Variants in ITSN1 observed in about 807,000 individuals in gnomAD.
ITSN1 encodes the protein intersectin 1.
A neutral mutation model predicts 239.8 loss-of-function variants in ITSN1; 58 were observed. The ratio of observed to expected loss-of-function variants is 0.24; its 90% confidence interval spans 0.20 to 0.30. The LOEUF is 0.30. Among genes scored for constraint, ITSN1 ranks in the 10% least tolerant of loss-of-function variants. The pLI, the probability that ITSN1 is intolerant of heterozygous loss-of-function variation, is 1.00. For missense variants in ITSN1, 1,558 were observed against 2,103.3 expected (o/e 0.74, Z 5.07); for synonymous variants, 780 against 770.8 (o/e 1.01, Z -0.20).
chr21:33,793,027 T>C (rs1000934233), intron 16 of ITSN1, among the ~76,000 whole-genome samples: 7 of 152,146 alleles, frequency 4.6e-5, no homozygotes, highest in Non-Finnish European at 1.0e-4. Context: ...TTTTATCTCA[T>C]TGTTCTTTTA....
chr21:33,695,898 C>T (rs539657432), intron 1 of ITSN1, among the ~76,000 whole-genome samples: 29 of 152,290 alleles, frequency 1.9e-4, no homozygotes, highest in African/African-American at 4.8e-4. Flanking sequence ...GAATATATTT[C>T]AGTGCACCTC....
chr21:33,706,376 T>C (rs1357000794), intron 1 of ITSN1, among the ~76,000 whole-genome samples: 1 of 152,110 alleles, frequency 6.6e-6, no homozygotes, highest in Non-Finnish European at 1.5e-5. Context: ...TTTCCCCACT[T>C]ATATGAAATT....
At chr21:33,685,891 A>G (rs1338035720) in intron 1 of ITSN1, among the ~76,000 whole-genome samples, 2 of 152,158 alleles carry the variant, frequency 1.3e-5, no homozygotes, top group African/African-American at 2.4e-5. Context: ...CTATTTCTCA[A>G]TTTTACTTCT....
At chr21:33,710,689 G>T (rs1194426638) in intron 1 of ITSN1, among the ~76,000 whole-genome samples, 1 of 151,362 alleles carries the variant, frequency 6.6e-6, no homozygotes, top group Non-Finnish European at 1.5e-5. Flanking sequence ...AAGTGAAGTG[G>T]GTAGTGATCT....
chr21:33,856,722 G>C lies in ITSN1; in HGVS notation c.3662-14G>C. 6.2e-7 allele frequency: 1 copy of C among 1,611,694 alleles called. No individual in the cohort carries two copies. The highest frequency in any genetic ancestry group is 8.5e-7 in the Non-Finnish European group (1 of 1,178,470). On this transcript the variant is annotated splice_polypyrimidine_tract_variant and intron_variant, in intron 29 of 39. Coordinates refer to ENST00000381318, the MANE Select transcript of ITSN1 (RefSeq NM_003024.3). ...AGACTGTGCTAAGTTCTCCCAAATG[G>C]TTGTGTTTTCCAGGGTGTTCAGACT... is the stretch of plus-strand genomic sequence containing the variant.
At chr21:33,754,287 G>A (rs1163418191) in intron 7 of ITSN1, 3 of 152,112 alleles carry the variant, frequency 2.0e-5, no homozygotes, top group Non-Finnish European at 1.5e-5. Flanking sequence ...AGTACTTCTC[G>A]AGTGTTTGGG....
rs1274680603 is a variant in ITSN1, at chr21:33,889,652, A to G, written c.*1352A>G. On this transcript the variant is annotated 3_prime_UTR_variant, in exon 40 of 40. Coordinates refer to ENST00000381318, the MANE Select transcript of ITSN1 (RefSeq NM_003024.3). ...CTCATAATCCTAGTTTGTTGTGGTC[A>G]TGAAATGTCCTTTGCATGTTCTGTT... 1 of 152,202 alleles carries G rather than the reference A, an allele frequency of 6.6e-6. No homozygotes were observed. The highest frequency in any genetic ancestry group is 1.5e-5 in the Non-Finnish European group (1 of 68,030). The allele number at this position is 152,202 out of a possible 1,614,324, so 9.4% of individuals were successfully genotyped here. A position where few individuals can be genotyped will look rare whatever the true frequency, so the allele number is the denominator to read the frequency against.
chr21:33,713,340 C>T (rs2092469370), intron 1 of ITSN1, among the ~76,000 whole-genome samples: 1 of 151,606 alleles, frequency 6.6e-6, no homozygotes, highest in African/African-American at 2.4e-5. Context: ...CCCAGGTTCA[C>T]GCCATTCTCC....
intron 1 of ITSN1, among the ~76,000 whole-genome samples, chr21:33,655,441 CAG>C (rs1202582374): frequency 6.6e-6 from 1 of 151,834 alleles, no homozygotes; most frequent in Non-Finnish European, 1.5e-5. Flanking sequence ...TTGTTTGAGG[CAG>C]AGTCTTACTC....
At chr21:33,884,584 C>T (rs1023426509) in intron 36 of ITSN1, among the ~76,000 whole-genome samples, 1 of 152,202 alleles carries the variant, frequency 6.6e-6, no homozygotes, top group Non-Finnish European at 1.5e-5. Context: ...AAGGAGAAAA[C>T]CGCGGCCACA....
At chr21:33,875,118 C>G (rs1247584903) in intron 33 of ITSN1, among the ~76,000 whole-genome samples, 1 of 152,206 alleles carries the variant, frequency 6.6e-6, no homozygotes, top group African/African-American at 2.4e-5. Context: ...GGACTGAGAC[C>G]TCAAGGATGG....
Position 33,888,189 on chromosome 21 carries a change from C to T in ITSN1, c.5055C>T (p.Ile1685=). The change falls in exon 40 of 40, where the codon ATC becomes ATT. Residue 1685 remains isoleucine, a synonymous_variant. Coordinates refer to ENST00000381318, the MANE Select transcript of ITSN1 (RefSeq NM_003024.3). ...LGRTEIRVAD[I]KKDQGSKGPV... Reference sequence around the variant, plus strand: ...GGACGGAGATCCGTGTGGCGGACATCAAGAAAGACCAGGGCTCCAAAGGTC... The same window carrying T: ...GGACGGAGATCCGTGTGGCGGACATTAAGAAAGACCAGGGCTCCAAAGGTC... 6.2e-7 allele frequency: 1 copy of T among 1,614,108 alleles called. No individual in the cohort carries two copies. The highest frequency in any genetic ancestry group is 8.5e-7 in the Non-Finnish European group (1 of 1,180,000).
Position 33,861,114 on chromosome 21 carries a change from A to G in ITSN1, c.3890+2322A>G, listed in dbSNP as rs540545362. On this transcript the variant is annotated intron_variant, in intron 31 of 39. Transcript: ENST00000381318. ...CTGATTTCTTTTTCTTCTTTTCTGC[A>G]TTTTACTAGAAAAAATCTCAAACAT... Among the ~76,000 whole-genome samples, 6 of 152,246 alleles carry G rather than the reference A, an allele frequency of 3.9e-5. No individual in the cohort carries two copies. The South Asian group carries it at 1.2e-3, about 32-fold the overall frequency.
In ITSN1 at chr21:33,829,077, C is replaced by T. The variant is rs920811358; in HGVS notation, c.3230-547C>T. On this transcript the variant is annotated intron_variant, in intron 26 of 39. Transcript: ENST00000381318. ...TGAGCCATAAAGAAGAAGGCTGTGT[C>T]GTTGGGAGTGAGAATCTGCAGCAAC... 2.9e-4 allele frequency: 132 copies of T among 450,910 alleles called. 1 individual carries two copies. The highest frequency in any genetic ancestry group is 2.5e-3 in the African/African-American group (121 of 49,002). The allele number at this position is 450,910 out of a possible 1,614,324, so 27.9% of individuals were successfully genotyped here. A position where few individuals can be genotyped will look rare whatever the true frequency, so the allele number is the denominator to read the frequency against.
intron 34 of ITSN1, among the ~76,000 whole-genome samples, chr21:33,880,950 C>T (rs377636637): frequency 6.6e-6 from 1 of 152,100 alleles, no homozygotes; most frequent in East Asian, 1.9e-4. Context: ...AGGTGATGGA[C>T]CCCCGAGAGG....
chr21:33,797,444 CAAGAAA>C lies in ITSN1; in HGVS notation c.2020_2025del (p.Arg674_Lys675del). ...CAGCAGGAGGACGAGCATCAGAGAC[CAAGAAA>C]ACTCCACGAAGAGGAAAAACTGAAA... On this transcript the variant is annotated inframe_deletion, in exon 18 of 40. Coordinates refer to ENST00000381318, the MANE Select transcript of ITSN1 (RefSeq NM_003024.3). The surrounding 1 kb of genome is among the most constrained non-coding windows in gnomAD (Gnocchi z 4.9). The C allele has an allele frequency of 1.2e-6, 2 of 1,613,964 alleles. No homozygotes were observed. Among genetic ancestry groups the C allele is most frequent in the Non-Finnish European group, 1.7e-6 (2 of 1,180,000 alleles).
rs140827022 is a variant in ITSN1, at chr21:33,737,057, CAT to C, written c.346+1855_346+1856del. 3.5e-3 allele frequency among the ~76,000 whole-genome samples: 529 copies of C among 152,300 alleles called. 5 individuals are homozygous for C. Among genetic ancestry groups the C allele is most frequent in the African/African-American group, 0.012 (502 of 41,556 alleles). On this transcript the variant is annotated intron_variant, in intron 5 of 39. Transcript: ENST00000381318. ...CTTCCAATGCTACAAGAAGAAATCT[CAT>C]AGTGGAGAAAAGGTCAAATGACTAG...
chr21:33,645,938 C>T (rs1167290197), intron 1 of ITSN1, among the ~76,000 whole-genome samples: 1 of 152,200 alleles, frequency 6.6e-6, no homozygotes, highest in African/African-American at 2.4e-5. Flanking sequence ...TTTTACCTGT[C>T]GTACACCTTT....
intron 22 of ITSN1, chr21:33,817,139 G>T: frequency 8.4e-7 from 1 of 1,194,826 alleles, no homozygotes; most frequent in Non-Finnish European, 1.1e-6. Context: ...ATTGAAAGTT[G>T]GTGTTTCATT....
Sources: allele counts gnomAD v4.1 joint callset (sites outside exome capture counted in the v4.1 genomes callset), GRCh38; gene constraint gnomAD v4.1.1; non-coding constraint Gnocchi (gnomAD v3.1); transcripts MANE v1.5; gene names NCBI Gene and HGNC (gene_info 2026-07-23, HGNC 2026-07-21).